The following PAK5 variants were observed in gnomAD, a reference collection of about 807,000 sequenced individuals.
The protein encoded by PAK5 is serine/threonine-protein kinase PAK 5.
In PAK5, 16 loss-of-function variants were observed where a neutral mutation model predicts 65.9. The observed-to-expected ratio is 0.24, with a 90% CI of 0.16 to 0.37. The LOEUF (loss-of-function observed/expected upper bound fraction) is 0.37. Among genes scored for constraint, PAK5 ranks in the 10% least tolerant of loss-of-function variants. PAK5 has a pLI of 1.00. For synonymous variants in PAK5, 371 were observed against 354.9 expected (o/e 1.05, Z -0.51); for missense variants, 785 against 903.9 (o/e 0.87, Z 1.69).
At chr20:9,693,173 T>C (rs1348400672) in intron 2 of PAK5, among the ~76,000 whole-genome samples, 1 of 152,110 alleles carries the variant, frequency 6.6e-6, no homozygotes, top group Non-Finnish European at 1.5e-5. Context: ...AGAATACAAT[T>C]GATCCTTTGT....
intron 1 of PAK5, among the ~76,000 whole-genome samples, chr20:9,799,130 AG>A (rs1232798877): frequency 2.6e-5 from 4 of 152,202 alleles, no homozygotes; most frequent in Non-Finnish European, 5.9e-5. Context: ...AGCCACTTTT[AG>A]AAAAAATACA....
intron 1 of PAK5, among the ~76,000 whole-genome samples, chr20:9,736,759 C>G (rs527754595): frequency 1.3e-5 from 2 of 152,254 alleles, no homozygotes; most frequent in Non-Finnish European, 2.9e-5. Context: ...GCCAAATTGG[C>G]TTTGTCTGTT....
At chr20:9,557,766 C>G (rs753985592) in intron 6 of PAK5, 32 bp from the exon 7 acceptor site, 1 of 1,595,010 alleles carries the variant, frequency 6.3e-7, no homozygotes, top group Non-Finnish European at 8.6e-7. Context: ...AGGAACAAGA[C>G]AGGTTTAAGA....
chr20:9,759,446 C>A (rs562121306), intron 1 of PAK5, among the ~76,000 whole-genome samples: 1 of 152,212 alleles, frequency 6.6e-6, no homozygotes, highest in Non-Finnish European at 1.5e-5. Flanking sequence ...TTGCCTCACA[C>A]CTATGGGAAA....
chr20:9,628,743 A>G (rs2046881198), intron 3 of PAK5, among the ~76,000 whole-genome samples: 1 of 152,152 alleles, frequency 6.6e-6, no homozygotes, highest in East Asian at 1.9e-4. Flanking sequence ...TCCACCCCAG[A>G]GGCCACCTGC....
rs375378182 is a variant in PAK5 at position 9,566,089 on chromosome 20, T to C, written c.1286A>G (p.His429Arg). The C allele has an allele frequency of 6.2e-7, 1 of 1,613,772 alleles. No individual in the cohort carries two copies. The highest frequency in any genetic ancestry group is 8.5e-7 in the Non-Finnish European group (1 of 1,179,974). ...CTGCAGGGCCGCCCGAAACTGTTCA[T>C]GGGACACCCTGGAGGGCTGCTGGTC... ...SSDQQPSRVSHEQFRAALQLV... is the reference protein window; with the variant it reads ...SSDQQPSRVSREQFRAALQLV... Residue 429 changes from histidine (H) to arginine (R), a missense_variant, in exon 5 of 10, where the codon CAT becomes CGT. By Grantham distance (29) the His-to-Arg change is conservative. Coordinates refer to ENST00000353224, the MANE Select transcript of PAK5 (RefSeq NM_177990.4).
Position 9,570,583 on chromosome 20 carries a change from A to G in PAK5, c.991-4199T>C, listed in dbSNP as rs1039157007. Among the ~76,000 whole-genome samples, 17 of 112,792 alleles carry G rather than the reference A, an allele frequency of 1.5e-4. 1 individual carries two copies. The highest frequency in any genetic ancestry group is 9.8e-4 in the Admixed American group (13 of 13,222). The allele number at this position is 112,792 out of a possible 152,430, so 74.0% of individuals were successfully genotyped here. On this transcript the variant is annotated intron_variant, in intron 4 of 9. Coordinates refer to ENST00000353224, the MANE Select transcript of PAK5 (RefSeq NM_177990.4). ...GTTAAACAACTGGATTCTTCCTTCA[A>G]TAAGCTCCAGATTAGTCAAGTCTAG...
At chr20:9,771,630 A>G (rs1291114596) in intron 1 of PAK5, among the ~76,000 whole-genome samples, 1 of 130,376 alleles carries the variant, frequency 7.7e-6, no homozygotes, top group Non-Finnish European at 1.6e-5. Context: ...TCTTTTGTCC[A>G]GGCTGGTCTT....
intron 2 of PAK5, among the ~76,000 whole-genome samples, chr20:9,649,057 T>C (rs968516187): frequency 6.6e-6 from 1 of 152,216 alleles, no homozygotes; most frequent in African/African-American, 2.4e-5. Context: ...GCTGTGTAGG[T>C]ATGTTTCAGT....
chr20:9,797,679 GAA>G (rs145184687), intron 1 of PAK5, among the ~76,000 whole-genome samples: 2 of 143,792 alleles, frequency 1.4e-5, no homozygotes, highest in African/African-American at 5.1e-5. Context: ...AAGAGCACAA[GAA>G]AAAAAAAAGA....
intron 1 of PAK5, among the ~76,000 whole-genome samples, chr20:9,769,528 C>T (rs2048810098): frequency 6.6e-6 from 1 of 152,238 alleles, no homozygotes; most frequent in Non-Finnish European, 1.5e-5. Context: ...CACTTTCCCC[C>T]ATCTTTTTTA....
At chr20:9,660,087 AC>A (rs1362281733) in intron 2 of PAK5, among the ~76,000 whole-genome samples, 1 of 152,074 alleles carries the variant, frequency 6.6e-6, no homozygotes, top group Non-Finnish European at 1.5e-5. Context: ...GAAGATGCCC[AC>A]TTCTATTGTA....
intron 3 of PAK5, among the ~76,000 whole-genome samples, chr20:9,632,996 A>G (rs889266521): frequency 6.6e-6 from 1 of 152,132 alleles, no homozygotes; most frequent in African/African-American, 2.4e-5. Context: ...TACCCAAAAG[A>G]CGGAGTTACT....
chr20:9,675,662 T>C (rs1246534947), intron 2 of PAK5, among the ~76,000 whole-genome samples: 3 of 152,196 alleles, frequency 2.0e-5, no homozygotes, highest in Non-Finnish European at 4.4e-5. Flanking sequence ...AATTAATTGT[T>C]CCAAATATTC....
intron 2 of PAK5, among the ~76,000 whole-genome samples, chr20:9,663,239 T>C (rs748542474): frequency 1.1e-4 from 17 of 152,180 alleles, no homozygotes; most frequent in Non-Finnish European, 2.2e-4. Flanking sequence ...GATTTTAGTC[T>C]AGAAGTTTTA....
At chr20:9,676,720 T>A (rs922809031) in intron 2 of PAK5, among the ~76,000 whole-genome samples, 1 of 152,222 alleles carries the variant, frequency 6.6e-6, no homozygotes, top group Middle Eastern at 3.2e-3. Flanking sequence ...AATATGTACA[T>A]ATACATGAAA....
At chr20:9,614,633 C>G (rs2046622812) in intron 3 of PAK5, among the ~76,000 whole-genome samples, 1 of 152,198 alleles carries the variant, frequency 6.6e-6, no homozygotes, top group Non-Finnish European at 1.5e-5. Flanking sequence ...TTTCATCTGA[C>G]TTCATGGAAA....
chr20:9,826,314 TCA>T (rs2049484338), intron 1 of PAK5, among the ~76,000 whole-genome samples: 1 of 152,132 alleles, frequency 6.6e-6, no homozygotes, highest in African/African-American at 2.4e-5. Flanking sequence ...CTAATAGAAT[TCA>T]CAGTGTTCTA....
chr20:9,618,787 C>G (rs899800918), intron 3 of PAK5, among the ~76,000 whole-genome samples: 2 of 149,400 alleles, frequency 1.3e-5, no homozygotes, highest in Non-Finnish European at 2.9e-5. Context: ...GTACAAGCAA[C>G]TTAAGGAAAA....
Sources: allele counts gnomAD v4.1 joint callset (sites outside exome capture counted in the v4.1 genomes callset), GRCh38; gene constraint gnomAD v4.1.1; transcripts MANE v1.5; gene names NCBI Gene and HGNC (gene_info 2026-07-23, HGNC 2026-07-21).